Variants in PCP4L1 observed in about 807,000 individuals in gnomAD.
PCP4L1 encodes the protein Purkinje cell protein 4 like 1.
PCP4L1 carries 9 observed loss-of-function variants against 9.6 expected under a neutral mutation model. The ratio of observed to expected loss-of-function variants is 0.94; its 90% CI spans 0.57 to 1.64. PCP4L1 has a LOEUF of 1.64. Among genes scored for constraint, PCP4L1 ranks in the 40% most tolerant of loss-of-function variants. The probability of loss-of-function intolerance (pLI) is 0.00; values close to 1 mark genes in which losing one functional copy is unlikely to be tolerated. For synonymous variants in PCP4L1, 31 were observed against 28.2 expected, an observed-to-expected ratio of 1.10 and a Z score of -0.31; for missense variants, 81 against 80.8, an observed-to-expected ratio of 1.00 and a Z score of -0.01.
rs1012477900 is a variant in PCP4L1 at position 161,259,196 on chromosome 1, C to A, written c.9+213C>A. Among the ~76,000 whole-genome samples, 3 of 152,106 alleles carry A rather than the reference C, an allele frequency of 2.0e-5. No individual in the cohort carries two copies. In the South Asian group the frequency reaches 6.2e-4, roughly 32 times the overall value. On this transcript the variant is annotated intron_variant, in intron 1 of 2. Transcript: ENST00000504449. Reference sequence around the variant, plus strand: ...CTTTCAGTCTCCCTACTGTGGACGGCGCTTTTGGGGGTAATTGGAATCGGC... The same window carrying A: ...CTTTCAGTCTCCCTACTGTGGACGGAGCTTTTGGGGGTAATTGGAATCGGC...
At chr1:161,273,329 TA>T (rs1378900999) in intron 1 of PCP4L1, among the ~76,000 whole-genome samples, 1 of 152,176 alleles carries the variant, frequency 6.6e-6, no homozygotes, top group African/African-American at 2.4e-5. Context: ...GAGAAACATT[TA>T]GTCCTGGCTG....
rs1049000814 is a variant in PCP4L1, at chr1:161,285,346, C to T, written c.*865C>T. On this transcript the variant is annotated 3_prime_UTR_variant, in exon 3 of 3. Transcript: ENST00000504449. ...TGACTCCTGTAGTTCCCATTTGCCC[C>T]ACTATGGAGTCAGGGCAAAAGTGGA... 1.3e-5 allele frequency: 2 copies of T among 152,522 alleles called. No individual in the cohort carries two copies. The highest frequency in any genetic ancestry group is 6.5e-5 in the Admixed American group (1 of 15,304). 9.4% of individuals were successfully genotyped at this position (152,522 alleles called of 1,614,324 possible). A position where few individuals can be genotyped will look rare whatever the true frequency, so the allele number is the denominator to read the frequency against.
intron 1 of PCP4L1, among the ~76,000 whole-genome samples, chr1:161,260,212 G>A (rs948518367): frequency 6.6e-6 from 1 of 152,108 alleles, no homozygotes; most frequent in African/African-American, 2.4e-5. Flanking sequence ...CCTACCAAAA[G>A]TTGTCACCCA....
chr1:161,270,880 A>AAG (rs1669614279), intron 1 of PCP4L1, among the ~76,000 whole-genome samples: 1 of 151,020 alleles, frequency 6.6e-6, no homozygotes, highest in African/African-American at 2.4e-5. Context: ...TCCGTCTAAA[A>AAG]AAAAAAAAAA....
chr1:161,279,027 C>T (rs1669751158), intron 1 of PCP4L1, among the ~76,000 whole-genome samples: 1 of 152,212 alleles, frequency 6.6e-6, no homozygotes, highest in Admixed American at 6.5e-5. Context: ...AAGCAATCCG[C>T]CCACCTTGGC....
At chr1:161,274,445 G>A (rs1363070197) in intron 1 of PCP4L1, among the ~76,000 whole-genome samples, 1 of 152,132 alleles carries the variant, frequency 6.6e-6, no homozygotes, top group Non-Finnish European at 1.5e-5. Context: ...GAGAAGTGCT[G>A]ACCTGTTACA....
chr1:161,264,010 A>G (rs558811166), intron 1 of PCP4L1, among the ~76,000 whole-genome samples: 7 of 144,614 alleles, frequency 4.8e-5, no homozygotes, highest in Non-Finnish European at 1.0e-4. Context: ...CCTGGCTTCA[A>G]GTGATTCTCC....
chr1:161,264,889 A>T (rs1487110556), intron 1 of PCP4L1, among the ~76,000 whole-genome samples: 1 of 152,186 alleles, frequency 6.6e-6, no homozygotes, highest in Non-Finnish European at 1.5e-5. Context: ...AAGAGGATAG[A>T]GACAGGAGAC....
intron 1 of PCP4L1, among the ~76,000 whole-genome samples, chr1:161,278,314 C>T (rs1158729474): frequency 6.6e-6 from 1 of 152,210 alleles, no homozygotes; most frequent in East Asian, 1.9e-4. Flanking sequence ...CACTACCACC[C>T]TAGTCCAGGC....
At chr1:161,264,290 A>G (rs965757007) in intron 1 of PCP4L1, among the ~76,000 whole-genome samples, 15 of 151,434 alleles carry the variant, frequency 9.9e-5, no homozygotes, top group African/African-American at 3.6e-4. Context: ...AGGCCAAGGT[A>G]GGTGGATAAC....
intron 1 of PCP4L1, among the ~76,000 whole-genome samples, chr1:161,273,260 AAAG>A (rs1458421857): frequency 1.3e-5 from 2 of 152,158 alleles, no homozygotes; most frequent in African/African-American, 4.8e-5. Flanking sequence ...AAATTAAGGA[AAAG>A]AAGGAGTTGA....
rs1158994909 is a variant in PCP4L1 at position 161,263,218 on chromosome 1, GGTTTTTGTTTTT to G, written c.9+4254_9+4265del. Reference sequence around the variant, plus strand: ...TAACATTTTACTTCAGTAAATACAGGGTTTTTGTTTTTGTTTTTGTTTTTGTTTTTTTTTGGG... The same window carrying G: ...TAACATTTTACTTCAGTAAATACAGGGTTTTTGTTTTTGTTTTTTTTTGGG... On this transcript the variant is annotated intron_variant, in intron 1 of 2. Coordinates refer to ENST00000504449, the MANE Select transcript of PCP4L1 (RefSeq NM_001102566.2). 4.5e-4 allele frequency among the ~76,000 whole-genome samples: 67 copies of G among 149,390 alleles called. 1 individual carries two copies. The South Asian group carries it at 8.5e-3, about 19-fold the overall frequency.
rs978883754 is a variant in PCP4L1 at position 161,262,967 on chromosome 1, G to C, written c.9+3984G>C. Among the ~76,000 whole-genome samples the C allele has an allele frequency of 8.5e-5, 13 of 152,136 alleles. 1 individual carries two copies. The highest frequency in any genetic ancestry group is 3.1e-4 in the African/African-American group (13 of 41,420). ...TGCAAAAAATTCTTCAAAATAGAAA[G>C]ATATATCTTTCACCCAGAAAACCTC... On this transcript the variant is annotated intron_variant, in intron 1 of 2. Coordinates refer to ENST00000504449, the MANE Select transcript of PCP4L1 (RefSeq NM_001102566.2).
intron 1 of PCP4L1, among the ~76,000 whole-genome samples, chr1:161,281,853 A>G (rs1279074140): frequency 7.1e-6 from 1 of 140,356 alleles, no homozygotes; most frequent in Non-Finnish European, 1.5e-5. Context: ...CGCTCCCCAC[A>G]TCTCAGACGA....
At chr1:161,259,236 G>A (rs928379619) in intron 1 of PCP4L1, among the ~76,000 whole-genome samples, 13 of 152,166 alleles carry the variant, frequency 8.5e-5, no homozygotes, top group African/African-American at 3.1e-4. Flanking sequence ...GAGTCCGGAA[G>A]CGGGGATGCT....
chr1:161,284,541 C>T lies in PCP4L1; in HGVS notation c.*60C>T. ...CTGGTCCCTTCTCTCCCCTTCTCCA[C>T]ACCCATGTATCTTTATCCCTTGTCC... On this transcript the variant is annotated 3_prime_UTR_variant, in exon 3 of 3. Coordinates refer to ENST00000504449, the MANE Select transcript of PCP4L1 (RefSeq NM_001102566.2). The T allele has an allele frequency of 6.3e-7, 1 of 1,575,046 alleles. No homozygotes were observed. The highest frequency in any genetic ancestry group is 8.6e-7 in the Non-Finnish European group (1 of 1,159,218).
At chr1:161,262,174 C>A (rs1039081296) in intron 1 of PCP4L1, among the ~76,000 whole-genome samples, 1 of 152,050 alleles carries the variant, frequency 6.6e-6, no homozygotes, top group Admixed American at 6.5e-5. Context: ...GTGGCTCACG[C>A]GTGTAATCCC....
At chr1:161,262,712 A>G (rs1187520114) in intron 1 of PCP4L1, among the ~76,000 whole-genome samples, 1 of 152,164 alleles carries the variant, frequency 6.6e-6, no homozygotes, top group Non-Finnish European at 1.5e-5. Flanking sequence ...ATATGGCTGA[A>G]GTCCAAGTGC....
intron 1 of PCP4L1, among the ~76,000 whole-genome samples, chr1:161,270,464 C>A (rs561394563): frequency 6.7e-6 from 1 of 149,918 alleles, no homozygotes; most frequent in Non-Finnish European, 1.5e-5. Context: ...ATCCTAACCC[C>A]CAAGATGATG....
Sources: allele counts gnomAD v4.1 joint callset (sites outside exome capture counted in the v4.1 genomes callset), GRCh38; gene constraint gnomAD v4.1.1; transcripts MANE v1.5; gene names NCBI Gene and HGNC (gene_info 2026-07-23, HGNC 2026-07-21).